The following XKR9 variants were observed in gnomAD, a reference collection of about 807,000 sequenced individuals.
The protein encoded by XKR9 is XK-related protein 9.
XKR9 carries 32 observed loss-of-function variants against 32.0 expected under a neutral mutation model. That is an observed-to-expected ratio of 1.00 (90% CI 0.76 to 1.34). The LOEUF is 1.34. XKR9 is among the 40% of genes most tolerant of loss of function. The pLI is 0.00. For synonymous variants in XKR9, 168 were observed against 143.4 expected (o/e 1.17, Z -1.22); for missense variants, 546 against 429.7 (o/e 1.27, Z -2.39).
chr8:70,842,259 G>T, the XKR9 span, among the ~76,000 whole-genome samples: 1 of 152,080 alleles, frequency 6.6e-6, no homozygotes, highest in Non-Finnish European at 1.5e-5. Flanking sequence ...GCACCTTTAT[G>T]CTGGCTTCTG....
At chr8:70,788,883 T>A (rs919530694) in intron 2 of XKR9, among the ~76,000 whole-genome samples, 17 of 152,050 alleles carry the variant, frequency 1.1e-4, no homozygotes, top group Admixed American at 1.1e-3. Flanking sequence ...TACATATAAA[T>A]GTGGGTCATA....
At chr8:71,018,742 G>A in the XKR9 span, among the ~76,000 whole-genome samples, 1 of 152,080 alleles carries the variant, frequency 6.6e-6, no homozygotes, top group South Asian at 2.1e-4. Context: ...AGACAGTAGG[G>A]TAAGAATAGG....
chr8:71,042,169 GCCCTACAACAA>G, the XKR9 span, among the ~76,000 whole-genome samples: 1 of 152,098 alleles, frequency 6.6e-6, no homozygotes, highest in African/African-American at 2.4e-5. Flanking sequence ...TAGAAGTGGA[GCCCTACAACAA>G]TCAAGCTGTG....
Position 70,715,209 on chromosome 8 carries a change from A to T in XKR9, c.493+8056A>T, listed in dbSNP as rs192912670. 1.4e-4 allele frequency among the ~76,000 whole-genome samples: 21 copies of T among 152,336 alleles called. No individual in the cohort carries two copies. In the East Asian group the frequency reaches 4.0e-3, roughly 29 times the overall value. ...CTAATCTTACTTATTGAAGCAAATC[A>T]TGTAAACATGTCCCCTATGCTTAAA... is the stretch of plus-strand genomic sequence containing the variant. On this transcript the variant is annotated intron_variant, in intron 4 of 4. Coordinates refer to ENST00000408926, the MANE Select transcript of XKR9 (RefSeq NM_001011720.2).
At chr8:71,023,238 C>G in the XKR9 span, among the ~76,000 whole-genome samples, 1 of 152,098 alleles carries the variant, frequency 6.6e-6, no homozygotes, top group South Asian at 2.1e-4. Context: ...GTTGTTTCTT[C>G]CAATTTTTTG....
At chr8:70,798,654 AG>A in the XKR9 span, among the ~76,000 whole-genome samples, 1 of 152,174 alleles carries the variant, frequency 6.6e-6, no homozygotes, top group East Asian at 1.9e-4. Flanking sequence ...GGTATTTCCT[AG>A]GTCATCTTCC....
chr8:70,967,376 GA>G, the XKR9 span, among the ~76,000 whole-genome samples: 1 of 152,064 alleles, frequency 6.6e-6, no homozygotes, highest in Non-Finnish European at 1.5e-5. Context: ...GCCGGGTCTT[GA>G]CTCTTTATCC....
At chr8:70,979,152 G>A in the XKR9 span, among the ~76,000 whole-genome samples, 2 of 152,068 alleles carry the variant, frequency 1.3e-5, no homozygotes, top group Admixed American at 1.3e-4. Context: ...TTTTTTCAAG[G>A]TTGTTAGCTT....
the XKR9 span, among the ~76,000 whole-genome samples, chr8:70,892,770 C>T: frequency 6.6e-6 from 1 of 152,042 alleles, no homozygotes; most frequent in Non-Finnish European, 1.5e-5. Flanking sequence ...GGAATTCTCA[C>T]TTTGTTTTTG....
At chr8:70,885,688 C>T in the XKR9 span, among the ~76,000 whole-genome samples, 3 of 152,114 alleles carry the variant, frequency 2.0e-5, no homozygotes, top group African/African-American at 7.2e-5. Flanking sequence ...GCTCCGCCTC[C>T]CGGGATCACG....
intron 2 of XKR9, among the ~76,000 whole-genome samples, chr8:70,786,341 A>C (rs1596566): frequency 0.4 from 61,344 of 151,890 alleles, 13,923 homozygotes; most frequent in Non-Finnish European, 0.52. Context: ...AATTTTCTGT[A>C]TGGATGATCT....
intron 4 of XKR9, among the ~76,000 whole-genome samples, chr8:70,718,644 C>T (rs1418465179): frequency 6.6e-6 from 1 of 152,178 alleles, no homozygotes. Flanking sequence ...CTGCAAAGAA[C>T]ATGAACTCAT....
chr8:70,833,845 A>T, the XKR9 span, among the ~76,000 whole-genome samples: 2 of 152,218 alleles, frequency 1.3e-5, no homozygotes, highest in Non-Finnish European at 2.9e-5. Context: ...CCTCCAAAAA[A>T]CATAGAAGCC....
At chr8:71,013,981 C>G in the XKR9 span, among the ~76,000 whole-genome samples, 3 of 152,082 alleles carry the variant, frequency 2.0e-5, no homozygotes, top group African/African-American at 7.2e-5. Flanking sequence ...TAGAGATAGA[C>G]CTGCCCCGAT....
the XKR9 span, among the ~76,000 whole-genome samples, chr8:70,939,207 T>G: frequency 2.0e-5 from 3 of 152,110 alleles, no homozygotes; most frequent in African/African-American, 7.2e-5. Flanking sequence ...ATCTTGTACC[T>G]GCAGACAGGC....
the XKR9 span, among the ~76,000 whole-genome samples, chr8:70,975,792 G>T: frequency 8.5e-5 from 13 of 152,142 alleles, no homozygotes; most frequent in African/African-American, 3.1e-4. Flanking sequence ...GTCATTGGTA[G>T]CTTGATGGGG....
the XKR9 span, among the ~76,000 whole-genome samples, chr8:70,863,689 A>G: frequency 6.6e-6 from 1 of 152,306 alleles, no homozygotes; most frequent in East Asian, 1.9e-4. Context: ...CAGTTAGGAC[A>G]CTATCTCAGT....
chr8:70,916,533 C>G, the XKR9 span, among the ~76,000 whole-genome samples: 4 of 152,132 alleles, frequency 2.6e-5, no homozygotes, highest in African/African-American at 9.7e-5. Context: ...AAAAACTACC[C>G]TATTTTAATT....
the XKR9 span, among the ~76,000 whole-genome samples, chr8:70,935,230 C>T: frequency 6.7e-6 from 1 of 150,172 alleles, no homozygotes; most frequent in African/African-American, 2.4e-5. Context: ...CACACACATA[C>T]ACATTTGATA....
Sources: allele counts gnomAD v4.1 joint callset (sites outside exome capture counted in the v4.1 genomes callset), GRCh38; gene constraint gnomAD v4.1.1; transcripts MANE v1.5; gene names NCBI Gene and HGNC (gene_info 2026-07-23, HGNC 2026-07-21).